USP40: variants seen among roughly 807,000 people sequenced by gnomAD.
USP40 encodes ubiquitin specific peptidase 40.
USP40 carries 143 observed loss-of-function variants against 166.2 expected under a neutral mutation model. The ratio of observed to expected loss-of-function variants is 0.86; its 90% CI spans 0.75 to 0.99. The LOEUF (loss-of-function observed/expected upper bound fraction) is 0.99. Among genes scored for constraint, USP40 ranks in the 50% least tolerant of loss-of-function variants. The pLI, the probability that USP40 is intolerant of heterozygous loss-of-function variation, is 0.00. For missense variants in USP40, 1,444 were observed against 1,479.7 expected (o/e 0.98, Z 0.40); for synonymous variants, 498 against 524.0 (o/e 0.95, Z 0.68).
At chr2:233,518,593 C>G (rs965387004) in intron 18 of USP40, among the ~76,000 whole-genome samples, 3 of 148,856 alleles carry the variant, frequency 2.0e-5, no homozygotes, top group African/African-American at 7.4e-5. Context: ...AAAAGATAAT[C>G]ACAATTAATC....
chr2:233,510,383 TTTTTC>T (rs1364718032), intron 20 of USP40, among the ~76,000 whole-genome samples: 1 of 143,008 alleles, frequency 7.0e-6, no homozygotes, highest in African/African-American at 2.7e-5. Flanking sequence ...ACACTACTTC[TTTTTC>T]TTTCTTTTTT....
Position 233,524,525 on chromosome 2 carries a change from A to C in USP40, c.1848T>G (p.Asp616Glu). 2 of 1,607,064 alleles carry C rather than the reference A, an allele frequency of 1.2e-6. No individual in the cohort carries two copies. Among genetic ancestry groups the C allele is most frequent in the Admixed American group, 3.4e-5 (2 of 58,602 alleles). The change falls in exon 15 of 32, where the codon GAT becomes GAG. Residue 616 changes from aspartate (D) to glutamate (E), a missense_variant. By Grantham distance (45) the Asp-to-Glu change is conservative. Coordinates refer to ENST00000678225, the MANE Select transcript of USP40 (RefSeq NM_001365479.2). ...ELTLCETEIADGEDIFVWNGV... is the reference protein window; with the variant it reads ...ELTLCETEIAEGEDIFVWNGV... ...CATTCCACACAAAGATGTCTTCCCC[A>C]TCAGCAATTTCAGTTTCACACAGTG... is the stretch of plus-strand genomic sequence containing the variant.
At chr2:233,494,316 T>A (rs2065525558) in intron 24 of USP40, among the ~76,000 whole-genome samples, 1 of 152,184 alleles carries the variant, frequency 6.6e-6, no homozygotes, top group Non-Finnish European at 1.5e-5. Flanking sequence ...CAGAAAATTA[T>A]GTTGGTGAAA....
rs1476955282 is a variant in USP40, at chr2:233,493,445, C to T, written c.2897G>A (p.Trp966Ter). Residue 966 changes from tryptophan (W) to a stop codon, truncating the protein, a stop_gained, in exon 25 of 32, where the codon TGG becomes TAG. Coordinates refer to ENST00000678225, the MANE Select transcript of USP40 (RefSeq NM_001365479.2). LOFTEE classifies it high-confidence loss of function. The surrounding 1 kb of genome is among the most constrained non-coding windows in gnomAD (Gnocchi z 4.7). ...TNCTSSWGRV[W>*]RATSSQGASG... ...CTCACCTTGGCTGGAAGTGGCTCTC[C>T]AAACTCTGCCCCAAGACGAAGTACA... 3 of 1,613,954 alleles carry T rather than the reference C, an allele frequency of 1.9e-6. No individual in the cohort carries two copies. Among genetic ancestry groups the T allele is most frequent in the Non-Finnish European group, 1.7e-6 (2 of 1,179,860 alleles).
At chr2:233,542,986 A>G (rs947306006) in intron 8 of USP40, among the ~76,000 whole-genome samples, 5 of 152,196 alleles carry the variant, frequency 3.3e-5, no homozygotes, top group Non-Finnish European at 7.3e-5. Flanking sequence ...TTCATCCCGT[A>G]TGGTCTCATT....
intron 3 of USP40, chr2:233,561,128 T>TA: frequency 6.4e-7 from 1 of 1,558,852 alleles, no homozygotes; most frequent in Non-Finnish European, 8.7e-7. Flanking sequence ...CTGAATACGC[T>TA]AAAACACCCC....
chr2:233,531,304 C>A (rs1271983679), intron 11 of USP40, among the ~76,000 whole-genome samples: 1 of 152,160 alleles, frequency 6.6e-6, no homozygotes, highest in Non-Finnish European at 1.5e-5. Flanking sequence ...AGCAAATTCT[C>A]CCTCAGTCTT....
chr2:233,518,287 CTGGGCTCAG>C (rs2067392869), intron 18 of USP40, among the ~76,000 whole-genome samples: 2 of 122,790 alleles, frequency 1.6e-5, no homozygotes, highest in Non-Finnish European at 3.3e-5. Context: ...AAAAAGATGG[CTGGGCTCAG>C]TGTCTCATGC....
intron 25 of USP40, 57 bp from the exon 26 acceptor site, chr2:233,491,318 T>A (rs995376981): frequency 2.5e-5 from 30 of 1,186,208 alleles, no homozygotes; most frequent in Non-Finnish European, 3.7e-5. Flanking sequence ...TTTGTGTTTC[T>A]GAAATACATT....
At chr2:233,502,722 AC>A (rs1242476431) in intron 21 of USP40, among the ~76,000 whole-genome samples, 1 of 152,050 alleles carries the variant, frequency 6.6e-6, no homozygotes, top group Non-Finnish European at 1.5e-5. Flanking sequence ...TGTCACAAAC[AC>A]CCGTAACCTA....
At chr2:233,513,220 A>G (rs2066951032) in intron 18 of USP40, among the ~76,000 whole-genome samples, 1 of 152,140 alleles carries the variant, frequency 6.6e-6, no homozygotes, top group African/African-American at 2.4e-5. Flanking sequence ...TCAGCTTCCA[A>G]TATCTAGAGT....
rs546751584 is a variant in USP40, at chr2:233,480,313, C to G, written c.3599+890G>C. Among the ~76,000 whole-genome samples, 1 of 152,174 alleles carries G rather than the reference C, an allele frequency of 6.6e-6. No homozygotes were observed. The highest frequency in any genetic ancestry group is 1.5e-5 in the Non-Finnish European group (1 of 68,042). On this transcript the variant is annotated intron_variant, in intron 31 of 31. Transcript: ENST00000678225. This position sits in a 1 kb window ranked among gnomAD's most constrained non-coding sequence, Gnocchi z 4.5. ...TGAAATCCACCAGGGCAGAAGCAGT[C>G]AGAATAGGACAAAAGGCAGATTTAG...
chr2:233,493,613 C>A lies in USP40; in HGVS notation c.2791-62G>T. The A allele has an allele frequency of 1.3e-6, 2 of 1,500,102 alleles. No homozygotes were observed. Among genetic ancestry groups the A allele is most frequent in the Non-Finnish European group, 8.9e-7 (1 of 1,118,798 alleles). 92.9% of individuals were successfully genotyped at this position (1,500,102 alleles called of 1,614,324 possible). A position where few individuals can be genotyped will look rare whatever the true frequency, so the allele number is the denominator to read the frequency against. On this transcript the variant is annotated intron_variant, in intron 24 of 31. Coordinates refer to ENST00000678225, the MANE Select transcript of USP40 (RefSeq NM_001365479.2). The surrounding 1 kb of genome is among the most constrained non-coding windows in gnomAD (Gnocchi z 4.7). ...AAGATTAAGTGAAACTCTACTTTTA[C>A]TTCCATAGAAAGAAACACCTTGATG...
intron 12 of USP40, among the ~76,000 whole-genome samples, chr2:233,528,850 A>G (rs1014269893): frequency 2.0e-5 from 3 of 152,164 alleles, no homozygotes; most frequent in African/African-American, 7.2e-5. Context: ...ACAGAGCACA[A>G]ATAAAGAAGC....
At chr2:233,533,838 A>G in intron 10 of USP40, 59 bp from the exon 11 acceptor site, 1 of 1,425,286 alleles carries the variant, frequency 7.0e-7, no homozygotes, top group Non-Finnish European at 9.3e-7. Context: ...ATTAGATGTG[A>G]TTAAAAAATG....
In USP40 at chr2:233,556,975, G is replaced by C; in HGVS notation, c.426C>G (p.Phe142Leu). Residue 142 changes from phenylalanine to leucine, a missense_variant, in exon 5 of 32, where the codon TTC becomes TTG. Phe to Leu is a conservative substitution (Grantham distance 22, BLOSUM62 0). Transcript: ENST00000678225. ...CAACTAAAGAAGTTTCCAAAGCGCT[G>C]AAGAGGATTCGATTCAGTTCCTGCA... ...HDVQELNRIL[F>L]SALETSLVGT... The C allele has an allele frequency of 1.2e-6, 2 of 1,613,904 alleles. No homozygotes were observed. Among genetic ancestry groups the C allele is most frequent in the Non-Finnish European group, 1.7e-6 (2 of 1,179,838 alleles).
Position 233,486,262 on chromosome 2 carries a change from G to A in USP40, c.3198-285C>T, listed in dbSNP as rs530408857. On this transcript the variant is annotated intron_variant, in intron 28 of 31. Coordinates refer to ENST00000678225, the MANE Select transcript of USP40 (RefSeq NM_001365479.2). This position sits in a 1 kb window ranked among gnomAD's most constrained non-coding sequence, Gnocchi z 4.0. ...TGCGGGAGAAAAGGAAAGAGGTGGCGGCCTGAGCAGGTACGATGTGGCAGA... is the reference window on the plus strand; with the variant it reads ...TGCGGGAGAAAAGGAAAGAGGTGGCAGCCTGAGCAGGTACGATGTGGCAGA... 1.2e-4 allele frequency among the ~76,000 whole-genome samples: 19 copies of A among 152,308 alleles called. No homozygotes were observed. The highest frequency in any genetic ancestry group is 4.3e-4 in the African/African-American group (18 of 41,560).
intron 2 of USP40, 30 bp downstream of exon 2, chr2:233,565,326 T>C (rs2072042900): frequency 6.9e-7 from 1 of 1,453,590 alleles, no homozygotes; most frequent in South Asian, 1.2e-5. Context: ...TGGTACATAT[T>C]GCTAGTTAAA....
At chr2:233,496,692 G>T in intron 24 of USP40, 66 bp downstream of exon 24, 1 of 1,386,286 alleles carries the variant, frequency 7.2e-7, no homozygotes, top group Non-Finnish European at 1.0e-6. Context: ...AAATGAGGCT[G>T]TATCATCTCT....
Sources: gnomAD v4.1 joint callset for allele counts (sites outside exome capture counted in the v4.1 genomes callset) on GRCh38, gnomAD v4.1.1 for gene constraint, Gnocchi (gnomAD v3.1) non-coding constraint, MANE v1.5 for transcripts, NCBI Gene and HGNC (gene_info 2026-07-23, HGNC 2026-07-21) for gene names.